The following CLIP1 variants were observed in gnomAD, a reference collection of about 807,000 sequenced individuals.
CLIP1 encodes CAP-Gly domain-containing linker protein 1.
Under a neutral mutation model 161.6 loss-of-function variants are expected in CLIP1, and 66 were observed. That is an observed-to-expected ratio of 0.41 (90% CI 0.33 to 0.50). The LOEUF (loss-of-function observed/expected upper bound fraction) is 0.50. CLIP1 is among the 20% of genes least tolerant of loss of function. The probability of loss-of-function intolerance (pLI) is 0.27; values close to 1 mark genes in which losing one functional copy is unlikely to be tolerated. For missense variants in CLIP1, 1,376 were observed against 1,702.0 expected (o/e 0.81, Z 3.37); for synonymous variants, 598 against 626.2 (o/e 0.96, Z 0.67).
chr12:122,350,965 T>C, intron 9 of CLIP1, 146 bp downstream of exon 9: 1 of 533,686 alleles, frequency 1.9e-6, no homozygotes. Flanking sequence ...TGTAATTGCT[T>C]TGAAAGCCAC....
intron 15 of CLIP1, among the ~76,000 whole-genome samples, chr12:122,328,824 G>A (rs904734439): frequency 2.0e-5 from 3 of 152,086 alleles, no homozygotes; most frequent in East Asian, 3.9e-4. Context: ...CTCGTGATTC[G>A]CCTGCCTCGG....
intron 1 of CLIP1, among the ~76,000 whole-genome samples, chr12:122,390,293 T>TAC (rs1955587725): frequency 7.5e-6 from 1 of 133,290 alleles, no homozygotes; most frequent in Non-Finnish European, 1.6e-5. Context: ...TATATATATA[T>TAC]ATATATATAT....
chr12:122,418,913 C>A (rs1389992500), intron 1 of CLIP1, among the ~76,000 whole-genome samples: 1 of 152,192 alleles, frequency 6.6e-6, no homozygotes, highest in Non-Finnish European at 1.5e-5. Flanking sequence ...AAAAGTCATA[C>A]AAAGTGAAAG....
At chr12:122,366,900 T>C (rs1954201398) in intron 3 of CLIP1, among the ~76,000 whole-genome samples, 1 of 152,206 alleles carries the variant, frequency 6.6e-6, no homozygotes, top group Non-Finnish European at 1.5e-5. Flanking sequence ...TCGTTAGTAC[T>C]AACACACAAA....
In CLIP1 at chr12:122,320,000, C is replaced by T. The variant is rs188957146; in HGVS notation, c.3250-652G>A. On this transcript the variant is annotated intron_variant, in intron 17 of 25. Coordinates refer to ENST00000620786, the MANE Select transcript of CLIP1 (RefSeq NM_001247997.2). Reference sequence around the variant, plus strand: ...TATAAAAAGTTAGATATAGGCCGGGCGCAGTGGCTCACGCCTGTAATCCCA... The same window carrying T: ...TATAAAAAGTTAGATATAGGCCGGGTGCAGTGGCTCACGCCTGTAATCCCA... Among the ~76,000 whole-genome samples the T allele has an allele frequency of 3.8e-3, 573 of 152,242 alleles. 2 individuals carry two copies. Among genetic ancestry groups the T allele is most frequent in the African/African-American group, 0.013 (549 of 41,548 alleles).
In CLIP1 at chr12:122,348,595, G is replaced by GA. The variant is rs1283807019; in HGVS notation, c.1402-1117dup. On this transcript the variant is annotated intron_variant, in intron 9 of 25. Transcript: ENST00000620786. ...ATCTCTAACAGGTTTAAGTGCAGCAGAATCTTAATTTGAAATAATCTAGGT... is the reference window on the plus strand; with the variant it reads ...ATCTCTAACAGGTTTAAGTGCAGCAGAAATCTTAATTTGAAATAATCTAGGT... Among the ~76,000 whole-genome samples the GA allele has an allele frequency of 8.5e-5, 13 of 152,144 alleles. 1 individual carries two copies. Among genetic ancestry groups the GA allele is most frequent in the Admixed American group, 8.5e-4 (13 of 15,268 alleles).
At chr12:122,329,455 C>A (rs968346121) in intron 15 of CLIP1, among the ~76,000 whole-genome samples, 1 of 151,762 alleles carries the variant, frequency 6.6e-6, no homozygotes, top group East Asian at 1.9e-4. Context: ...ACAGTGAAAC[C>A]CTCTCTCTAA....
At chr12:122,310,965 C>A (rs1951042720) in intron 19 of CLIP1, among the ~76,000 whole-genome samples, 1 of 152,178 alleles carries the variant, frequency 6.6e-6, no homozygotes, top group Admixed American at 6.5e-5. Context: ...AATAAATCCA[C>A]ACAAAAATTC....
rs752762286 is a variant in CLIP1 at position 122,341,363 on chromosome 12, T to C, written c.1841A>G (p.Lys614Arg). ...SLKSKLEHAN[K>R]ENSDVIALWK... ...TAGAGCTATCACATCTGAGTTCTCT[T>C]TGTTGGCATGCTCCAGCTTGCTTTT... Residue 614 changes from lysine to arginine, a missense_variant, in exon 11 of 26, where the codon AAA becomes AGA. By Grantham distance (26) the Lys-to-Arg change is conservative. Transcript: ENST00000620786. 2 of 1,614,146 alleles carry C rather than the reference T, an allele frequency of 1.2e-6. No individual in the cohort carries two copies.
intron 1 of CLIP1, among the ~76,000 whole-genome samples, chr12:122,388,067 C>G (rs964165462): frequency 1.3e-5 from 2 of 152,114 alleles, no homozygotes; most frequent in Non-Finnish European, 2.9e-5. Context: ...CAAGAGTCAA[C>G]TATACATAAA....
intron 20 of CLIP1, among the ~76,000 whole-genome samples, chr12:122,307,615 C>T (rs773522836): frequency 6.6e-6 from 1 of 152,150 alleles, no homozygotes; most frequent in Non-Finnish European, 1.5e-5. Flanking sequence ...ATTTCTAACA[C>T]AGCTGATCAA....
intron 11 of CLIP1, among the ~76,000 whole-genome samples, chr12:122,338,014 CA>C (rs546569199): frequency 8.1e-4 from 90 of 111,148 alleles, no homozygotes; most frequent in Admixed American, 8.8e-4. Flanking sequence ...GACTCTGTCT[CA>C]AAAAAAAAAA....
chr12:122,393,080 C>A (rs768122200), intron 1 of CLIP1, among the ~76,000 whole-genome samples: 1 of 151,902 alleles, frequency 6.6e-6, no homozygotes, highest in Non-Finnish European at 1.5e-5. Context: ...CCACACCCAG[C>A]CAGAAATGTT....
Position 122,334,785 on chromosome 12 carries a change from G to A in CLIP1, c.2569-80C>T, listed in dbSNP as rs570300466. On this transcript the variant is annotated intron_variant, in intron 12 of 25. Transcript: ENST00000620786. ...AGAAGTTTCTATCAATTATAACTAC[G>A]ATACTGTCTACTTTTTGTTGCTGGT... The A allele has an allele frequency of 9.4e-5, 80 of 854,928 alleles. No homozygotes were observed. In the African/African-American group the frequency reaches 1.1e-3, roughly 12 times the overall value. 53.0% of individuals were successfully genotyped at this position (854,928 alleles called of 1,614,324 possible).
intron 24 of CLIP1, 190 bp from the exon 25 acceptor site, chr12:122,274,352 C>T (rs1046778956): frequency 2.9e-5 from 15 of 519,406 alleles, no homozygotes; most frequent in African/African-American, 2.3e-4. Context: ...GAGTAAAGAG[C>T]TGAACTTAAA....
At chr12:122,319,209 A>G (rs1212326950) in intron 18 of CLIP1, 23 bp downstream of exon 18, 2 of 1,478,794 alleles carry the variant, frequency 1.4e-6, no homozygotes, top group Non-Finnish European at 1.9e-6. Flanking sequence ...TCTTTGTATA[A>G]AAAGCTATTT....
rs756613341 is a variant in CLIP1 at position 122,279,124 on chromosome 12, G to A, written c.3669C>T (p.Asp1223=). Residue 1223 remains aspartate (D), a synonymous_variant, in exon 22 of 26, where the codon GAC becomes GAT. Transcript: ENST00000620786. This position sits in a 1 kb window ranked among gnomAD's most constrained non-coding sequence, Gnocchi z 4.5. ...GCAAGGAAGCTTTCTCTTCATCTGC[G>A]TCTTTTATGAACTTGGATTCTCTAA... ...MKKRESKFIK[D]ADEEKASLQK... The A allele has an allele frequency of 1.1e-5, 17 of 1,610,838 alleles. No homozygotes were observed. In the Admixed American group the frequency reaches 2.2e-4, roughly 21 times the overall value.
intron 3 of CLIP1, among the ~76,000 whole-genome samples, chr12:122,375,568 C>T (rs1302712247): frequency 1.3e-5 from 2 of 152,052 alleles, no homozygotes; most frequent in Admixed American, 6.6e-5. Context: ...ATGCCTGCCT[C>T]GGCCTCCAAA....
At chr12:122,412,472 T>C (rs1956577775) in intron 1 of CLIP1, among the ~76,000 whole-genome samples, 1 of 151,934 alleles carries the variant, frequency 6.6e-6, no homozygotes, top group African/African-American at 2.4e-5. Flanking sequence ...CTGGCCAACA[T>C]GGCGAAACCC....
Sources: gnomAD v4.1 joint callset for allele counts (sites outside exome capture counted in the v4.1 genomes callset) on GRCh38, gnomAD v4.1.1 for gene constraint, Gnocchi (gnomAD v3.1) non-coding constraint, MANE v1.5 for transcripts, NCBI Gene and HGNC (gene_info 2026-07-23, HGNC 2026-07-21) for gene names.